CLTC: variants seen among roughly 807,000 people sequenced by gnomAD.
CLTC encodes clathrin heavy chain 1.
In CLTC, 16 loss-of-function variants were observed where a neutral mutation model predicts 195.8. The observed-to-expected ratio is 0.08, with a 90% CI of 0.06 to 0.12. The LOEUF (loss-of-function observed/expected upper bound fraction) is 0.12, where lower values mean the gene tolerates loss of function less well. Among genes scored for constraint, CLTC ranks in the 10% least tolerant of loss-of-function variants. The pLI is 1.00. For synonymous variants in CLTC, 667 were observed against 689.4 expected, an observed-to-expected ratio of 0.97 and a Z score of 0.51; for missense variants, 796 against 2,027.0, an observed-to-expected ratio of 0.39 and a Z score of 11.66.
intron 1 of CLTC, among the ~76,000 whole-genome samples, chr17:59,635,101 CTA>C (rs1369827047): frequency 1.3e-5 from 2 of 151,574 alleles, no homozygotes; most frequent in African/African-American, 4.9e-5. Context: ...GATTGTTGAC[CTA>C]TTAACTCTAC....
rs777592583 is a variant in CLTC, at chr17:59,683,227, C to T, written c.4006C>T (p.Leu1336=). 5.6e-6 allele frequency: 9 copies of T among 1,613,970 alleles called. No individual in the cohort carries two copies. The highest frequency in any genetic ancestry group is 6.8e-6 in the Non-Finnish European group (8 of 1,179,998). ...TAAGCCTCAGAAAATGAGGGAGCAC[C>T]TGGAGCTGTTCTGGTCTAGAGTGAA... ...KFKPQKMREH[L]ELFWSRVNIP... Residue 1336 remains leucine, a synonymous_variant, in exon 25 of 32, where the codon CTG becomes TTG. Coordinates refer to ENST00000269122, the MANE Select transcript of CLTC (RefSeq NM_004859.4). This position sits in a 1 kb window ranked among gnomAD's most constrained non-coding sequence, Gnocchi z 6.1.
rs971919589 is a variant in CLTC, at chr17:59,681,156, C to T, written c.3065+99C>T. 9 of 1,481,216 alleles carry T rather than the reference C, an allele frequency of 6.1e-6. No homozygotes were observed. The South Asian group carries it at 1.0e-4, about 17-fold the overall frequency. 91.8% of individuals were successfully genotyped at this position (1,481,216 alleles called of 1,614,324 possible). ...GGAACAAAAAGATCAGAGAAAGTTGCCTGAATTCTCACTCTTCTAATATCC... is the reference window on the plus strand; with the variant it reads ...GGAACAAAAAGATCAGAGAAAGTTGTCTGAATTCTCACTCTTCTAATATCC... On this transcript the variant is annotated intron_variant, in intron 19 of 31. Transcript: ENST00000269122. This position sits in a 1 kb window ranked among gnomAD's most constrained non-coding sequence, Gnocchi z 5.0.
chr17:59,671,350 C>T (rs922089893), intron 14 of CLTC, among the ~76,000 whole-genome samples: 2 of 152,046 alleles, frequency 1.3e-5, no homozygotes, highest in Non-Finnish European at 2.9e-5. Context: ...GTTATGATGC[C>T]TCTTATCACT....
chr17:59,688,595 A>G (rs1276638521), intron 30 of CLTC, among the ~76,000 whole-genome samples: 3 of 152,222 alleles, frequency 2.0e-5, no homozygotes, highest in Non-Finnish European at 2.9e-5. Context: ...CCCATTATAT[A>G]GAAGAATCAA....
At chr17:59,636,134 C>CAA (rs540301346) in intron 1 of CLTC, among the ~76,000 whole-genome samples, 12 of 109,374 alleles carry the variant, frequency 1.1e-4, no homozygotes, top group East Asian at 2.7e-4. Context: ...AACTACGTCT[C>CAA]AAAAAAAAAA....
chr17:59,657,901 T>TA (rs916520631), intron 6 of CLTC, among the ~76,000 whole-genome samples: 61 of 143,338 alleles, frequency 4.3e-4, no homozygotes, highest in Middle Eastern at 3.6e-3. Flanking sequence ...ATTAAAAAAA[T>TA]AAAAAAAAAG....
intron 30 of CLTC, among the ~76,000 whole-genome samples, chr17:59,686,792 A>T (rs886441839): frequency 2.2e-4 from 33 of 152,322 alleles, no homozygotes; most frequent in African/African-American, 7.9e-4. Flanking sequence ...GCTTTCTTTC[A>T]TACTGTAGCA....
At chr17:59,665,782 G>T (rs2032716409) in intron 10 of CLTC, among the ~76,000 whole-genome samples, 1 of 152,198 alleles carries the variant, frequency 6.6e-6, no homozygotes, top group Admixed American at 6.5e-5. Context: ...GGAGGTTGCA[G>T]TGAGCTGAGA....
At chr17:59,651,727 AT>A (rs1375060653) in intron 5 of CLTC, among the ~76,000 whole-genome samples, 1 of 152,208 alleles carries the variant, frequency 6.6e-6, no homozygotes, top group Non-Finnish European at 1.5e-5. Context: ...GTGAGTTGTA[AT>A]CTTTTTGCTT....
chr17:59,625,414 C>T (rs764254602), intron 1 of CLTC, among the ~76,000 whole-genome samples: 9 of 152,050 alleles, frequency 5.9e-5, no homozygotes, highest in Non-Finnish European at 1.0e-4. Flanking sequence ...TGTGAGCCAC[C>T]GTGCCCGGCT....
At chr17:59,655,490 A>G (rs894205827) in intron 5 of CLTC, among the ~76,000 whole-genome samples, 6 of 152,260 alleles carry the variant, frequency 3.9e-5, no homozygotes, top group Non-Finnish European at 8.8e-5. Flanking sequence ...AAGAGAGCAC[A>G]TGCTGTTGGA....
intron 31 of CLTC, among the ~76,000 whole-genome samples, chr17:59,692,832 G>T (rs1004245686): frequency 6.6e-6 from 1 of 151,998 alleles, no homozygotes; most frequent in Non-Finnish European, 1.5e-5. Context: ...TAGAGACGGG[G>T]TTTCACCATA....
rs1187234795 is a variant in CLTC, at chr17:59,695,185, T to C, written c.*1333T>C. On this transcript the variant is annotated 3_prime_UTR_variant, in exon 32 of 32. Transcript: ENST00000269122. Reference sequence around the variant, plus strand: ...GGGTATCTTGATTTTTTTCAAAAATTGGTTGTGTGAATCCAGCTCTTGCTT... The same window carrying C: ...GGGTATCTTGATTTTTTTCAAAAATCGGTTGTGTGAATCCAGCTCTTGCTT... 2 of 200,386 alleles carry C rather than the reference T, an allele frequency of 1.0e-5. No homozygotes were observed. The highest frequency in any genetic ancestry group is 2.3e-5 in the African/African-American group (1 of 43,478). 12.4% of individuals were successfully genotyped at this position (200,386 alleles called of 1,614,324 possible).
intron 30 of CLTC, among the ~76,000 whole-genome samples, chr17:59,688,516 CT>C (rs1018863825): frequency 6.6e-6 from 1 of 151,298 alleles, no homozygotes; most frequent in African/African-American, 2.4e-5. Flanking sequence ...GACTTCTCTG[CT>C]TTTTTTTTGA....
intron 1 of CLTC, among the ~76,000 whole-genome samples, chr17:59,632,710 T>A (rs2031760254): frequency 6.6e-6 from 1 of 152,082 alleles, no homozygotes; most frequent in African/African-American, 2.4e-5. Context: ...ACCAAAAAAA[T>A]CAAAGTAATA....
At chr17:59,636,562 T>C (rs1391081261) in intron 1 of CLTC, among the ~76,000 whole-genome samples, 1 of 152,076 alleles carries the variant, frequency 6.6e-6, no homozygotes, top group East Asian at 1.9e-4. Flanking sequence ...TTGCCCAGGC[T>C]GGTCTTGAAC....
At chr17:59,691,562 T>C (rs1035437583) in intron 31 of CLTC, among the ~76,000 whole-genome samples, 3 of 151,024 alleles carry the variant, frequency 2.0e-5, no homozygotes, top group South Asian at 4.2e-4. Flanking sequence ...AGGCAGAGGT[T>C]GCAGTGAGCC....
chr17:59,654,381 T>C (rs2032410756), intron 5 of CLTC, among the ~76,000 whole-genome samples: 1 of 151,646 alleles, frequency 6.6e-6, no homozygotes, highest in Admixed American at 6.6e-5. Flanking sequence ...CTTCACCGTG[T>C]TGGTCAGGCT....
At chr17:59,642,554 CCTCTA>C (rs1436204643) in intron 1 of CLTC, among the ~76,000 whole-genome samples, 7 of 152,082 alleles carry the variant, frequency 4.6e-5, no homozygotes, top group African/African-American at 1.7e-4. Context: ...GTCTAAGGAC[CCTCTA>C]CTCAGAAAAA....
Sources: allele counts gnomAD v4.1 joint callset (sites outside exome capture counted in the v4.1 genomes callset), GRCh38; gene constraint gnomAD v4.1.1; non-coding constraint Gnocchi (gnomAD v3.1); transcripts MANE v1.5; gene names NCBI Gene and HGNC (gene_info 2026-07-23, HGNC 2026-07-21).